The following CCDC122 variants were observed in gnomAD, a reference collection of about 807,000 sequenced individuals.
CCDC122 encodes coiled-coil domain containing 122, also known as coiled-coil domain-containing protein 122.
In CCDC122, 38 loss-of-function variants were observed where a neutral mutation model predicts 37.0. The ratio of observed to expected loss-of-function variants is 1.03; its 90% CI spans 0.79 to 1.35. The LOEUF (loss-of-function observed/expected upper bound fraction) is 1.35. Among genes scored for constraint, CCDC122 ranks in the 40% most tolerant of loss-of-function variants. The probability of loss-of-function intolerance (pLI) is 0.00; values close to 1 mark genes in which losing one functional copy is unlikely to be tolerated. For synonymous variants in CCDC122, 83 were observed against 95.6 expected (o/e 0.87, Z 0.77); for missense variants, 305 against 310.0 (o/e 0.98, Z 0.12).
intron 2 of CCDC122, among the ~76,000 whole-genome samples, chr13:43,871,071 C>T (rs1469216859): frequency 6.6e-6 from 1 of 152,076 alleles, no homozygotes; most frequent in Admixed American, 6.6e-5. Context: ...CCCGCGTATA[C>T]TGTATATTTG....
At chr13:43,829,194 T>G (rs963262336) in intron 3 of CCDC122, among the ~76,000 whole-genome samples, 1 of 152,250 alleles carries the variant, frequency 6.6e-6, no homozygotes, top group African/African-American at 2.4e-5. Context: ...TCCATACTCC[T>G]TTCTAATTTT....
intron 4 of CCDC122, among the ~76,000 whole-genome samples, chr13:43,864,946 G>A (rs1242792007): frequency 6.6e-6 from 1 of 152,160 alleles, no homozygotes; most frequent in African/African-American, 2.4e-5. Flanking sequence ...AGTTAATAAT[G>A]TGATGAAACC....
intron 3 of CCDC122, among the ~76,000 whole-genome samples, chr13:43,828,805 G>A (rs1953063475): frequency 6.6e-6 from 1 of 152,088 alleles, no homozygotes; most frequent in Non-Finnish European, 1.5e-5. Context: ...TTCTTTAAAA[G>A]TTGATATTCA....
chr13:43,874,386 T>C (rs9533668), intron 2 of CCDC122, among the ~76,000 whole-genome samples: 19,548 of 152,106 alleles, frequency 0.13, 1,559 homozygotes, highest in African/African-American at 0.22. Flanking sequence ...CATTATTTTA[T>C]AGTATCTTTC....
chr13:43,863,041 A>G (rs975208639), intron 4 of CCDC122, among the ~76,000 whole-genome samples: 1 of 152,014 alleles, frequency 6.6e-6, no homozygotes, highest in Admixed American at 6.6e-5. Context: ...AGCAAAATTA[A>G]TATAAATACA....
chr13:43,831,920 T>A (rs1019745782), downstream of CCDC122, among the ~76,000 whole-genome samples: 1 of 152,102 alleles, frequency 6.6e-6, no homozygotes, highest in Non-Finnish European at 1.5e-5. Context: ...TCACAGTCAT[T>A]ATTTAAATAG....
intron 3 of CCDC122, among the ~76,000 whole-genome samples, chr13:43,827,495 G>A (rs1253784258): frequency 1.3e-5 from 2 of 152,164 alleles, no homozygotes; most frequent in African/African-American, 4.8e-5. Flanking sequence ...GTAAACCTCT[G>A]TCTCTATAAA....
At chr13:43,833,073 T>C (rs1387238931), downstream of CCDC122, among the ~76,000 whole-genome samples, 9 of 152,164 alleles carry the variant, frequency 5.9e-5, no homozygotes, top group Admixed American at 5.9e-4. Flanking sequence ...AAAGTGTCCA[T>C]AATGGCTGAC....
chr13:43,875,196 T>C (rs1954571218), intron 1 of CCDC122, among the ~76,000 whole-genome samples: 1 of 152,220 alleles, frequency 6.6e-6, no homozygotes, highest in African/African-American at 2.4e-5. Context: ...ACAGAAGTTA[T>C]ATAGACCTTT....
chr13:43,840,550 C>A (rs1161669756), intron 6 of CCDC122, among the ~76,000 whole-genome samples: 1 of 151,958 alleles, frequency 6.6e-6, no homozygotes, highest in Non-Finnish European at 1.5e-5. Flanking sequence ...CCACAACAGG[C>A]CCCGGTGCGT....
chr13:43,850,661 T>C (rs1470166791), intron 6 of CCDC122, among the ~76,000 whole-genome samples: 2 of 151,992 alleles, frequency 1.3e-5, no homozygotes, highest in Admixed American at 6.6e-5. Context: ...TAGAAATAAA[T>C]AGAACTTCAG....
intron 2 of CCDC122, among the ~76,000 whole-genome samples, chr13:43,872,161 G>A (rs1463282439): frequency 6.6e-6 from 1 of 151,746 alleles, no homozygotes; most frequent in East Asian, 1.9e-4. Flanking sequence ...GACAGTATGT[G>A]CTGTTTAACC....
intron 1 of CCDC122, chr13:43,878,028 A>T (rs1954698834): frequency 6.6e-6 from 1 of 152,204 alleles, no homozygotes; most frequent in East Asian, 1.9e-4. Context: ...GGTGAAAGGA[A>T]ATGGTATGCA....
chr13:43,877,893 CATTA>C (rs1413443898), intron 1 of CCDC122: 2 of 152,062 alleles, frequency 1.3e-5, no homozygotes, highest in South Asian at 2.1e-4. Flanking sequence ...AGAGTCTCTA[CATTA>C]ATTATTTTTT....
downstream of CCDC122, among the ~76,000 whole-genome samples, chr13:43,835,020 T>C (rs571163508): frequency 1.8e-4 from 27 of 152,236 alleles, no homozygotes; most frequent in East Asian, 2.5e-3. Context: ...CGTATGTTTA[T>C]TGCGGCACTA....
At chr13:43,830,604 C>G (rs1022230137) in intron 3 of CCDC122, among the ~76,000 whole-genome samples, 8 of 152,100 alleles carry the variant, frequency 5.3e-5, no homozygotes, top group African/African-American at 1.9e-4. Flanking sequence ...GAGGGCTGCT[C>G]AAAAAGGATT....
chr13:43,873,180 T>C (rs971753271), intron 2 of CCDC122, among the ~76,000 whole-genome samples: 1 of 152,164 alleles, frequency 6.6e-6, no homozygotes, highest in Non-Finnish European at 1.5e-5. Flanking sequence ...ATACTTATTC[T>C]ACATGTGATG....
intron 4 of CCDC122, among the ~76,000 whole-genome samples, chr13:43,866,452 C>T (rs1425128136): frequency 8.5e-5 from 13 of 152,120 alleles, no homozygotes; most frequent in Admixed American, 7.9e-4. Context: ...TTAGAATTAG[C>T]CTATGTATTT....
At chr13:43,843,566 G>A (rs1953425388) in intron 6 of CCDC122, among the ~76,000 whole-genome samples, 1 of 151,834 alleles carries the variant, frequency 6.6e-6, no homozygotes, top group Non-Finnish European at 1.5e-5. Flanking sequence ...TCAGGGTTAT[G>A]TTCACCTCCT....
Sources: allele counts gnomAD v4.1 joint callset (sites outside exome capture counted in the v4.1 genomes callset), GRCh38; gene constraint gnomAD v4.1.1; transcripts MANE v1.5; gene names NCBI Gene and HGNC (gene_info 2026-07-23, HGNC 2026-07-21).